Variants in VWA8 observed in about 807,000 individuals in gnomAD.
VWA8 encodes von Willebrand factor A domain-containing protein 8.
Under a neutral mutation model 241.5 loss-of-function variants are expected in VWA8, and 221 were observed. The ratio of observed to expected loss-of-function variants is 0.91; its 90% CI spans 0.82 to 1.02. The LOEUF (loss-of-function observed/expected upper bound fraction) is 1.02, where lower values mean the gene tolerates loss of function less well. VWA8 is among the 50% of genes least tolerant of loss of function. The probability of loss-of-function intolerance (pLI) is 0.00; values close to 1 mark genes in which losing one functional copy is unlikely to be tolerated. For synonymous variants in VWA8, 852 were observed against 827.1 expected (o/e 1.03, Z -0.52); for missense variants, 2,322 against 2,328.7 (o/e 1.00, Z 0.06).
intron 31 of VWA8, 106 bp from the exon 32 acceptor site, chr13:41,691,551 T>C: frequency 1.5e-6 from 2 of 1,374,742 alleles, no homozygotes; most frequent in Non-Finnish European, 1.9e-6. Flanking sequence ...AAAAGAATGT[T>C]TTAAGATTAA....
At chr13:41,956,620 G>A (rs545869804) in intron 1 of VWA8, among the ~76,000 whole-genome samples, 1 of 152,256 alleles carries the variant, frequency 6.6e-6, no homozygotes, top group South Asian at 2.1e-4. Flanking sequence ...TCTTTACACT[G>A]TATTTCTCAG....
intron 36 of VWA8, among the ~76,000 whole-genome samples, chr13:41,672,364 A>G (rs958138583): frequency 2.0e-5 from 3 of 152,190 alleles, no homozygotes; most frequent in African/African-American, 7.2e-5. Context: ...AGTCAACTGC[A>G]TATCTCCTTT....
At chr13:41,728,322 A>G (rs2045453477) in intron 23 of VWA8, among the ~76,000 whole-genome samples, 1 of 152,116 alleles carries the variant, frequency 6.6e-6, no homozygotes, top group African/African-American at 2.4e-5. Context: ...ATGACAATAA[A>G]AAATGAAAAA....
chr13:41,605,085 T>A (rs1050756651), intron 40 of VWA8, 83 bp downstream of exon 40: 47 of 1,366,192 alleles, frequency 3.4e-5, no homozygotes, highest in Admixed American at 7.8e-5. Context: ...CTAATTAGGG[T>A]TCAGATAATT....
intron 35 of VWA8, among the ~76,000 whole-genome samples, 180 bp from the exon 36 acceptor site, chr13:41,675,476 TG>T (rs1288402550): frequency 3.9e-5 from 6 of 152,158 alleles, no homozygotes; most frequent in Non-Finnish European, 7.4e-5. Context: ...GGAAGCATAT[TG>T]GGCTGTGATT....
At chr13:41,928,542 T>C (rs1876953466) in intron 2 of VWA8, among the ~76,000 whole-genome samples, 1 of 152,074 alleles carries the variant, frequency 6.6e-6, no homozygotes, top group Admixed American at 6.5e-5. Flanking sequence ...TAAAATATCT[T>C]GAGACAAATG....
intron 2 of VWA8, among the ~76,000 whole-genome samples, chr13:41,921,731 T>C (rs1172509800): frequency 2.0e-5 from 3 of 152,190 alleles, no homozygotes; most frequent in Admixed American, 6.5e-5. Context: ...TTACAAGGGA[T>C]GTGAAGGACC....
chr13:41,783,691 AAT>A, intron 19 of VWA8, 102 bp downstream of exon 19: 1 of 808,030 alleles, frequency 1.2e-6, no homozygotes, highest in Non-Finnish European at 1.9e-6. Flanking sequence ...ATCTAAATTA[AAT>A]TTAGGAAATC....
At chr13:41,635,028 T>C (rs2044748299) in intron 37 of VWA8, among the ~76,000 whole-genome samples, 1 of 152,196 alleles carries the variant, frequency 6.6e-6, no homozygotes, top group South Asian at 2.1e-4. Flanking sequence ...AAATGACTTA[T>C]CTTCTCTTAG....
chr13:41,717,141 G>A (rs1333344353), intron 26 of VWA8, among the ~76,000 whole-genome samples: 1 of 151,840 alleles, frequency 6.6e-6, no homozygotes, highest in Non-Finnish European at 1.5e-5. Flanking sequence ...TGCATATTCT[G>A]GCCTGGCCAG....
At chr13:41,753,463 A>C (rs2045670824) in intron 21 of VWA8, among the ~76,000 whole-genome samples, 1 of 152,204 alleles carries the variant, frequency 6.6e-6, no homozygotes, top group African/African-American at 2.4e-5. Flanking sequence ...ACATAACATC[A>C]TAGAAAAACA....
At chr13:41,871,174 A>T (rs974107108) in intron 9 of VWA8, among the ~76,000 whole-genome samples, 31 of 152,346 alleles carry the variant, frequency 2.0e-4, no homozygotes, top group Non-Finnish European at 3.4e-4. Flanking sequence ...AGAACAATAG[A>T]CATATAATTA....
intron 2 of VWA8, chr13:41,926,541 A>C (rs1876850411): frequency 1.8e-6 from 1 of 542,354 alleles, no homozygotes; most frequent in African/African-American, 1.9e-5. Flanking sequence ...ACTGGATGCC[A>C]GTTCCAGAAT....
chr13:41,922,373 G>C (rs938165413), intron 2 of VWA8, among the ~76,000 whole-genome samples: 5 of 152,194 alleles, frequency 3.3e-5, no homozygotes, highest in Admixed American at 1.3e-4. Flanking sequence ...CATAGGCATG[G>C]GCAAGGACTT....
At chr13:41,832,396 T>C (rs1871511328) in intron 13 of VWA8, among the ~76,000 whole-genome samples, 1 of 152,194 alleles carries the variant, frequency 6.6e-6, no homozygotes, top group Non-Finnish European at 1.5e-5. Context: ...AATGGGACTA[T>C]TACCGTGTCT....
At chr13:41,863,455 T>TATA (rs1566485517) in intron 12 of VWA8, among the ~76,000 whole-genome samples, 2 of 87,156 alleles carry the variant, frequency 2.3e-5, no homozygotes, top group African/African-American at 8.5e-5. Context: ...ATATATATAT[T>TATA]CACACACACA....
Position 41,956,204 on chromosome 13 carries a change from T to C in VWA8, c.163+4649A>G, listed in dbSNP as rs888571811. On this transcript the variant is annotated intron_variant, in intron 1 of 44. Coordinates refer to ENST00000379310, the MANE Select transcript of VWA8 (RefSeq NM_015058.2). Reference sequence around the variant, plus strand: ...ACTGTTTAGCAGCATCACTGGCCTCTACCCGCTAGATGCCAGTAGCACCCC... The same window carrying C: ...ACTGTTTAGCAGCATCACTGGCCTCCACCCGCTAGATGCCAGTAGCACCCC... Among the ~76,000 whole-genome samples, 4 of 152,206 alleles carry C rather than the reference T, an allele frequency of 2.6e-5. 1 individual carries two copies. Among genetic ancestry groups the C allele is most frequent in the Admixed American group, 6.5e-5 (1 of 15,286 alleles).
intron 34 of VWA8, among the ~76,000 whole-genome samples, chr13:41,686,020 A>G (rs2045133922): frequency 1.3e-5 from 2 of 152,142 alleles, no homozygotes; most frequent in African/African-American, 4.8e-5. Context: ...AATGGTATGA[A>G]GTGGGGATCT....
rs2045365656 is a variant in VWA8 at position 41,719,205 on chromosome 13, T to C, written c.3116+386A>G. The C allele has an allele frequency of 2.8e-5, 12 of 431,210 alleles. No individual in the cohort carries two copies. In the South Asian group the frequency reaches 8.6e-4, roughly 31 times the overall value. 26.7% of individuals were successfully genotyped at this position (431,210 alleles called of 1,614,324 possible). A position where few individuals can be genotyped will look rare whatever the true frequency, so the allele number is the denominator to read the frequency against. ...GAAAATTATCATAAAGAAAACTATA[T>C]AGTAACAGAAATAAGAACATATCAA... On this transcript the variant is annotated intron_variant, in intron 26 of 44. Transcript: ENST00000379310.
Sources: allele counts gnomAD v4.1 joint callset (sites outside exome capture counted in the v4.1 genomes callset), GRCh38; gene constraint gnomAD v4.1.1; transcripts MANE v1.5; gene names NCBI Gene and HGNC (gene_info 2026-07-23, HGNC 2026-07-21).